Variants in CHD2 observed in about 807,000 individuals in gnomAD.
The protein encoded by CHD2 is chromodomain helicase DNA binding protein 2.
A neutral mutation model predicts 243.9 loss-of-function variants in CHD2; 28 were observed. The observed-to-expected ratio is 0.11, with a 90% CI of 0.09 to 0.16. The LOEUF (loss-of-function observed/expected upper bound fraction) is 0.16. Among genes scored for constraint, CHD2 ranks in the 10% least tolerant of loss-of-function variants. The pLI, the probability that CHD2 is intolerant of heterozygous loss-of-function variation, is 1.00. For missense variants in CHD2, 1,386 were observed against 2,209.8 expected, an observed-to-expected ratio of 0.63 and a Z score of 7.47; for synonymous variants, 775 against 779.0, an observed-to-expected ratio of 0.99 and a Z score of 0.09.
At chr15:92,961,876 CTTTT>C (rs3064790) in intron 16 of CHD2, among the ~76,000 whole-genome samples, 24 of 78,638 alleles carry the variant, frequency 3.1e-4, no homozygotes, top group South Asian at 1.6e-3. Flanking sequence ...TTTTTCTTCT[CTTTT>C]TTTTTTTTTT....
Position 93,024,941 on chromosome 15 carries a change from C to T in CHD2, c.*236C>T. On this transcript the variant is annotated 3_prime_UTR_variant, in exon 39 of 39. Transcript: ENST00000394196. The stretch of plus-strand genomic sequence containing the variant: ...CATCCCATTCCAGCCTAGTTCTGGC[C>T]TCCCACTTTGACGGGCACTTGGAGG... 2.1e-6 allele frequency: 1 copy of T among 480,664 alleles called. No homozygotes were observed. Among genetic ancestry groups the T allele is most frequent in the African/African-American group, 2.0e-5 (1 of 50,272 alleles). The allele number at this position is 480,664 out of a possible 1,614,324, so 29.8% of individuals were successfully genotyped here.
intron 5 of CHD2, among the ~76,000 whole-genome samples, chr15:92,935,333 A>G (rs6497008): frequency 0.75 from 113,611 of 152,044 alleles, 43,642 homozygotes; most frequent in East Asian, 0.98. Context: ...ACCGCGCCCG[A>G]CCTTTTTTGC....
intron 13 of CHD2, among the ~76,000 whole-genome samples, chr15:92,953,033 T>G (rs541464528): frequency 3.2e-4 from 49 of 152,344 alleles, no homozygotes; most frequent in African/African-American, 1.1e-3. Flanking sequence ...TTGTCTTCAC[T>G]TTTTACAAAG....
rs560912306 is a variant in CHD2, at chr15:92,972,460, C to G, written c.2505+43C>G. On this transcript the variant is annotated intron_variant, in intron 19 of 38. Coordinates refer to ENST00000394196, the MANE Select transcript of CHD2 (RefSeq NM_001271.4). ...ATTGCTGTGGGGGGAATCAATCTCT[C>G]TCTCCGCCTCCCCTCCCCAACCTTC... 18 of 1,518,086 alleles carry G rather than the reference C, an allele frequency of 1.2e-5. No homozygotes were observed. In the South Asian group the frequency reaches 2.2e-4, roughly 18 times the overall value. 94.0% of individuals were successfully genotyped at this position (1,518,086 alleles called of 1,614,324 possible).
chr15:93,013,663 G>C (rs1482823735), intron 36 of CHD2, among the ~76,000 whole-genome samples: 1 of 152,252 alleles, frequency 6.6e-6, no homozygotes, highest in East Asian at 1.9e-4. Flanking sequence ...GGCTAGGCGC[G>C]GTGGCTCGTG....
intron 22 of CHD2, among the ~76,000 whole-genome samples, chr15:92,980,222 C>CTTTTTTTTT: frequency 8.0e-6 from 1 of 124,938 alleles, no homozygotes; most frequent in African/African-American, 3.0e-5. Context: ...TTTTTTTTTT[C>CTTTTTTTTT]TTTTTTTTTT....
At chr15:93,004,320 C>G (rs1009630207) in intron 33 of CHD2, among the ~76,000 whole-genome samples, 6 of 152,076 alleles carry the variant, frequency 3.9e-5, no homozygotes, top group African/African-American at 1.4e-4. Context: ...AGCTTAACCT[C>G]TTGATGACAT....
At chr15:92,917,858 C>G (rs1163422854) in intron 2 of CHD2, among the ~76,000 whole-genome samples, 1 of 152,170 alleles carries the variant, frequency 6.6e-6, no homozygotes, top group African/African-American at 2.4e-5. Context: ...TGACATATGC[C>G]TGACACAAAA....
intron 9 of CHD2, 29 bp from the exon 10 acceptor site, chr15:92,944,386 T>C (rs760583949): frequency 7.6e-7 from 1 of 1,318,090 alleles, no homozygotes; most frequent in East Asian, 2.3e-5. Context: ...TTAGTTTATG[T>C]GTACTTTTTC....
intron 37 of CHD2, among the ~76,000 whole-genome samples, chr15:93,017,947 A>G (rs891368587): frequency 2.6e-5 from 4 of 152,340 alleles, no homozygotes; most frequent in East Asian, 1.9e-4. Context: ...ATCCTTTACA[A>G]TAACTTCTTA....
At chr15:92,912,991 T>TA (rs568118699) in intron 2 of CHD2, among the ~76,000 whole-genome samples, 10 of 152,052 alleles carry the variant, frequency 6.6e-5, no homozygotes, top group Non-Finnish European at 1.5e-4. Context: ...TTCCCTTGCT[T>TA]AAAAAAAAGT....
chr15:93,007,467 A>G (rs1031919340), intron 34 of CHD2, among the ~76,000 whole-genome samples: 3 of 152,070 alleles, frequency 2.0e-5, no homozygotes, highest in African/African-American at 4.8e-5. Context: ...TTTTTGGTAT[A>G]TTTTTTATTT....
intron 16 of CHD2, among the ~76,000 whole-genome samples, chr15:92,963,765 C>A (rs2053720017): frequency 6.6e-6 from 1 of 152,172 alleles, no homozygotes; most frequent in South Asian, 2.1e-4. Flanking sequence ...TCTTCTGTGA[C>A]CAAGGCCAGT....
At position 92,953,591 on chromosome 15, in the gene CHD2, G is replaced by T. The variant is rs1198291644; in HGVS notation, c.1719+18G>T. The T allele has an allele frequency of 6.2e-7, 1 of 1,604,770 alleles. No individual in the cohort carries two copies. Among genetic ancestry groups the T allele is most frequent in the South Asian group, 1.1e-5 (1 of 90,880 alleles). ...GAAATACGGTGTGTAAACAAAAAGA[G>T]CTGGGTTAGAATCTGTGTTATAAAT... On this transcript the variant is annotated intron_variant, in intron 14 of 38. Transcript: ENST00000394196.
chr15:92,925,686 T>C (rs1052357477), intron 3 of CHD2, among the ~76,000 whole-genome samples: 2 of 152,044 alleles, frequency 1.3e-5, no homozygotes, highest in African/African-American at 4.8e-5. Flanking sequence ...TTTTTCAGAG[T>C]GTTTTATGTT....
rs1596431674 is a variant in CHD2 at position 92,980,848 on chromosome 15, T to C, written c.2910T>C (p.Ala970=). 6.2e-7 allele frequency: 1 copy of C among 1,613,658 alleles called. No individual in the cohort carries two copies. Among genetic ancestry groups the C allele is most frequent in the East Asian group, 2.2e-5 (1 of 44,820 alleles). The change falls in exon 23 of 39, where the codon GCT becomes GCC. Residue 970 remains alanine, a synonymous_variant. Transcript: ENST00000394196. Reference sequence around the variant, plus strand: ...CTTTTAATAAAGAAGAGCTGACAGCTATTTTGAAATTTGGAGCAGAGGATC... The same window carrying C: ...CTTTTAATAAAGAAGAGCTGACAGCCATTTTGAAATTTGGAGCAGAGGATC... ...SNPFNKEELT[A]ILKFGAEDLF... is the part of the protein sequence containing the mutation.
intron 22 of CHD2, among the ~76,000 whole-genome samples, chr15:92,979,897 G>A (rs367747151): frequency 6.6e-6 from 1 of 150,990 alleles, no homozygotes; most frequent in African/African-American, 2.4e-5. Context: ...CAGCCTGGGC[G>A]ACCGATAATA....
chr15:92,900,570 CGTT>C lies in CHD2; in HGVS notation c.-322_-320del, dbSNP rs1181938339. 1 of 398,390 alleles carries C rather than the reference CGTT, an allele frequency of 2.5e-6. No individual in the cohort carries two copies. Among genetic ancestry groups the C allele is most frequent in the Non-Finnish European group, 4.4e-6 (1 of 226,054 alleles). 24.7% of individuals were successfully genotyped at this position (398,390 alleles called of 1,614,324 possible). ...AAGCAGCCGTACTGAGAGCCCAGGT[CGTT>C]GTTTTTTCCAGCTTAGAAGCCATGG... On this transcript the variant is annotated 5_prime_UTR_variant, in exon 1 of 39. Transcript: ENST00000394196.
At chr15:92,914,385 A>G (rs1011746941) in intron 2 of CHD2, among the ~76,000 whole-genome samples, 2 of 152,346 alleles carry the variant, frequency 1.3e-5, no homozygotes, top group African/African-American at 4.8e-5. Flanking sequence ...AAGTGCCTTA[A>G]CTAATTTGTA....
Sources: gnomAD v4.1 joint callset for allele counts (sites outside exome capture counted in the v4.1 genomes callset) on GRCh38, gnomAD v4.1.1 for gene constraint, MANE v1.5 for transcripts, NCBI Gene and HGNC (gene_info 2026-07-23, HGNC 2026-07-21) for gene names.